CDKAL1: variants seen among roughly 807,000 people sequenced by gnomAD.
CDKAL1 encodes threonylcarbamoyladenosine tRNA methylthiotransferase.
CDKAL1 carries 32 observed loss-of-function variants against 68.2 expected under a neutral mutation model. The ratio of observed to expected loss-of-function variants is 0.47; its 90% confidence interval spans 0.35 to 0.63. CDKAL1 has a LOEUF of 0.63. Ranked by LOEUF, CDKAL1 falls within the 30% of genes least tolerant of loss-of-function variation. The pLI is 0.00. For missense variants in CDKAL1, 606 were observed against 696.7 expected, an observed-to-expected ratio of 0.87 and a Z score of 1.47; for synonymous variants, 234 against 244.3, an observed-to-expected ratio of 0.96 and a Z score of 0.39.
At chr6:20,743,823 A>G (rs139508503) in intron 6 of CDKAL1, among the ~76,000 whole-genome samples, 1 of 152,224 alleles carries the variant, frequency 6.6e-6, no homozygotes, top group Non-Finnish European at 1.5e-5. Flanking sequence ...ATCTGTGCAC[A>G]AACCTGTCTA....
chr6:20,942,105 G>T (rs1308621678), intron 9 of CDKAL1, among the ~76,000 whole-genome samples: 1 of 152,018 alleles, frequency 6.6e-6, no homozygotes, highest in Non-Finnish European at 1.5e-5. Flanking sequence ...CCTTTTAGAT[G>T]TTTTATAAAA....
intron 5 of CDKAL1, among the ~76,000 whole-genome samples, chr6:20,735,559 A>G (rs1395294774): frequency 6.6e-6 from 1 of 152,228 alleles, no homozygotes; most frequent in African/African-American, 2.4e-5. Flanking sequence ...GGGAACTACA[A>G]TTCAAGATGA....
At chr6:21,035,429 T>G (rs531772493) in intron 11 of CDKAL1, among the ~76,000 whole-genome samples, 147 of 152,236 alleles carry the variant, frequency 9.7e-4, no homozygotes, top group African/African-American at 3.3e-3. Flanking sequence ...TTGTTTCAAG[T>G]GTAGCTCACT....
intron 7 of CDKAL1, among the ~76,000 whole-genome samples, chr6:20,770,778 G>GC (rs1424962214): frequency 2.0e-5 from 3 of 152,170 alleles, no homozygotes; most frequent in Non-Finnish European, 2.9e-5. Flanking sequence ...CTTTTAACTA[G>GC]CTTGGTTTTA....
intron 4 of CDKAL1, among the ~76,000 whole-genome samples, chr6:20,549,574 ACATTTATATT>A (rs1187525902): frequency 7.2e-6 from 1 of 138,962 alleles, no homozygotes; most frequent in East Asian, 2.1e-4. Flanking sequence ...TGTTTTCTTT[ACATTTATATT>A]TATTTATTTA....
intron 9 of CDKAL1, among the ~76,000 whole-genome samples, chr6:20,936,841 A>T (rs1007674894): frequency 6.6e-6 from 1 of 152,222 alleles, no homozygotes; most frequent in African/African-American, 2.4e-5. Context: ...CTGAGGAAAT[A>T]GGTTCTTGAT....
Position 20,700,286 on chromosome 6 carries a change from C to T in CDKAL1, c.372-39233C>T, listed in dbSNP as rs147597018. 6.8e-3 allele frequency among the ~76,000 whole-genome samples: 1,019 copies of T among 150,668 alleles called. 12 individuals carry two copies. Among genetic ancestry groups the T allele is most frequent in the African/African-American group, 0.02 (805 of 40,964 alleles). On this transcript the variant is annotated intron_variant, in intron 5 of 15. Coordinates refer to ENST00000274695, the MANE Select transcript of CDKAL1 (RefSeq NM_017774.3). ...AGGAGAATCACTTGAACCTGGGAGCCGGAGGTTGCGGTGAGCTGAGATTGC... is the reference window on the plus strand; with the variant it reads ...AGGAGAATCACTTGAACCTGGGAGCTGGAGGTTGCGGTGAGCTGAGATTGC...
chr6:20,996,332 G>A (rs552716162), intron 10 of CDKAL1, among the ~76,000 whole-genome samples: 2 of 152,344 alleles, frequency 1.3e-5, no homozygotes, highest in East Asian at 3.9e-4. Flanking sequence ...ACTGGTGCAA[G>A]AGGCCTAGCT....
At chr6:21,128,498 A>G (rs906828107) in intron 13 of CDKAL1, among the ~76,000 whole-genome samples, 3 of 152,266 alleles carry the variant, frequency 2.0e-5, no homozygotes, top group Non-Finnish European at 4.4e-5. Context: ...AAATATCATC[A>G]TAATTAAAAT....
At chr6:21,151,187 C>A (rs137879018) in intron 13 of CDKAL1, among the ~76,000 whole-genome samples, 1 of 152,142 alleles carries the variant, frequency 6.6e-6, no homozygotes, top group Admixed American at 6.5e-5. Flanking sequence ...ACATTTAGAA[C>A]AAATGTCATA....
chr6:21,151,072 G>GT (rs919861632), intron 13 of CDKAL1, among the ~76,000 whole-genome samples: 3 of 152,124 alleles, frequency 2.0e-5, no homozygotes, highest in African/African-American at 7.2e-5. Context: ...GAGAGAAAAG[G>GT]TTATATGCTT....
chr6:20,879,326 T>TG (rs1278413514), intron 9 of CDKAL1, among the ~76,000 whole-genome samples: 2 of 152,170 alleles, frequency 1.3e-5, no homozygotes, highest in Non-Finnish European at 2.9e-5. Context: ...TTTGAAGTCT[T>TG]GGTCTTCCCT....
intron 7 of CDKAL1, among the ~76,000 whole-genome samples, chr6:20,769,630 T>A (rs992008097): frequency 5.3e-5 from 8 of 152,212 alleles, no homozygotes; most frequent in African/African-American, 1.9e-4. Flanking sequence ...AAATGGAATC[T>A]GACTTTAACT....
At chr6:21,012,719 G>C (rs902836199) in intron 11 of CDKAL1, among the ~76,000 whole-genome samples, 2 of 152,136 alleles carry the variant, frequency 1.3e-5, no homozygotes, top group African/African-American at 4.8e-5. Flanking sequence ...CCTCTGTGAG[G>C]GATACGCCTT....
intron 11 of CDKAL1, among the ~76,000 whole-genome samples, chr6:21,041,644 G>A (rs950016815): frequency 1.5e-5 from 2 of 130,952 alleles, no homozygotes; most frequent in Admixed American, 7.8e-5. Context: ...TCTTTAAAAT[G>A]CTTTCTTACA....
chr6:21,172,136 A>T (rs1354051189), intron 13 of CDKAL1, among the ~76,000 whole-genome samples: 1 of 152,124 alleles, frequency 6.6e-6, no homozygotes, highest in Non-Finnish European at 1.5e-5. Context: ...TGCTCACCTG[A>T]TACTAAGTGC....
intron 8 of CDKAL1, among the ~76,000 whole-genome samples, chr6:20,834,052 CAT>C (rs1659297937): frequency 6.6e-6 from 1 of 152,200 alleles, no homozygotes; most frequent in Non-Finnish European, 1.5e-5. Flanking sequence ...GAATCATTGA[CAT>C]AGACATTCAG....
intron 5 of CDKAL1, among the ~76,000 whole-genome samples, chr6:20,709,266 AG>A: frequency 6.6e-6 from 1 of 152,160 alleles, no homozygotes; most frequent in African/African-American, 2.4e-5. Context: ...TGAAGAACAA[AG>A]TACTTTTGAG....
intron 4 of CDKAL1, among the ~76,000 whole-genome samples, chr6:20,593,047 G>A (rs1156985369): frequency 1.3e-5 from 2 of 152,142 alleles, no homozygotes; most frequent in African/African-American, 4.8e-5. Flanking sequence ...TAAGCTTTTT[G>A]ATGTGCTGCT....
Sources: allele counts gnomAD v4.1 joint callset (sites outside exome capture counted in the v4.1 genomes callset), GRCh38; gene constraint gnomAD v4.1.1; transcripts MANE v1.5; gene names NCBI Gene and HGNC (gene_info 2026-07-23, HGNC 2026-07-21).